MAP3K5: variants seen among roughly 807,000 people sequenced by gnomAD.
The protein encoded by MAP3K5 is mitogen-activated protein kinase kinase kinase 5.
MAP3K5 carries 56 observed loss-of-function variants against 158.7 expected under a neutral mutation model. The ratio of observed to expected loss-of-function variants is 0.35; its 90% confidence interval spans 0.28 to 0.44. The LOEUF (loss-of-function observed/expected upper bound fraction) is 0.44, where lower values mean the gene tolerates loss of function less well. Among genes scored for constraint, MAP3K5 ranks in the 20% least tolerant of loss-of-function variants. The pLI, the probability that MAP3K5 is intolerant of heterozygous loss-of-function variation, is 1.00. For synonymous variants in MAP3K5, 579 were observed against 601.7 expected (o/e 0.96, Z 0.55); for missense variants, 1,294 against 1,674.8 (o/e 0.77, Z 3.97).
chr6:136,661,563 A>G (rs1321849453), intron 8 of MAP3K5, among the ~76,000 whole-genome samples: 2 of 151,716 alleles, frequency 1.3e-5, no homozygotes, highest in African/African-American at 2.4e-5. Flanking sequence ...ACCTAGCTAA[A>G]TTTTGTTTTT....
chr6:136,595,881 G>T (rs946802526), intron 21 of MAP3K5, among the ~76,000 whole-genome samples: 1 of 152,086 alleles, frequency 6.6e-6, no homozygotes, highest in Non-Finnish European at 1.5e-5. Context: ...ATGGTGGTGT[G>T]TGCCTGTAGT....
At chr6:136,650,442 G>A (rs763623406) in intron 11 of MAP3K5, among the ~76,000 whole-genome samples, 3 of 152,230 alleles carry the variant, frequency 2.0e-5, no homozygotes, top group Non-Finnish European at 4.4e-5. Flanking sequence ...ATGAGCGGAA[G>A]TGAGACTGTT....
chr6:136,673,412 C>T (rs935946850), intron 7 of MAP3K5, among the ~76,000 whole-genome samples: 3 of 152,074 alleles, frequency 2.0e-5, no homozygotes, highest in African/African-American at 7.2e-5. Flanking sequence ...AGCAAACACA[C>T]ACAAAAGCTG....
In MAP3K5 at chr6:136,720,443, G is replaced by C. The variant is rs1213692394; in HGVS notation, c.588+7C>G. On this transcript the variant is annotated splice_region_variant and intron_variant, in intron 2 of 29. Transcript: ENST00000359015. ...AAAATGAAACATTCAGTAAACAAGG[G>C]AGGTACCTTCAGTGACTGCAGAGAG... The C allele has an allele frequency of 3.2e-6, 5 of 1,584,566 alleles. No homozygotes were observed. In the African/African-American group the frequency reaches 6.8e-5, roughly 22 times the overall value.
At chr6:136,622,775 C>T in intron 15 of MAP3K5, 73 bp downstream of exon 15, 5 of 1,450,210 alleles carry the variant, frequency 3.4e-6, no homozygotes, top group Non-Finnish European at 4.8e-6. Flanking sequence ...AGAATATCAT[C>T]AAGTATTTTC....
Position 136,706,876 on chromosome 6 carries a change from G to A in MAP3K5, c.589-1743C>T, listed in dbSNP as rs115096869. 7.1e-3 allele frequency among the ~76,000 whole-genome samples: 1,076 copies of A among 152,358 alleles called. 10 individuals carry two copies. The highest frequency in any genetic ancestry group is 0.024 in the African/African-American group (1,013 of 41,580). ...CAAAACACTAAAAATGCCTGGTGCC[G>A]TGGCTGACGCCTGTAAATCTCAGCG... On this transcript the variant is annotated intron_variant, in intron 2 of 29. Transcript: ENST00000359015.
intron 18 of MAP3K5, among the ~76,000 whole-genome samples, chr6:136,610,731 GACTA>G (rs534478545): frequency 5.2e-4 from 79 of 150,516 alleles, no homozygotes; most frequent in African/African-American, 1.6e-3. Flanking sequence ...TTAAGCAGGA[GACTA>G]ACTAAGCAAG....
intron 1 of MAP3K5, among the ~76,000 whole-genome samples, chr6:136,790,990 G>A (rs1280711360): frequency 6.6e-6 from 1 of 152,166 alleles, no homozygotes; most frequent in Non-Finnish European, 1.5e-5. Context: ...ATAGCATACA[G>A]GTGTTTTAGA....
At chr6:136,663,819 G>A (rs1308236068) in intron 8 of MAP3K5, among the ~76,000 whole-genome samples, 2 of 151,850 alleles carry the variant, frequency 1.3e-5, no homozygotes, top group African/African-American at 4.8e-5. Flanking sequence ...CATCATGTTG[G>A]GCAGGCTGAT....
chr6:136,749,349 G>T (rs1460272056), intron 1 of MAP3K5, among the ~76,000 whole-genome samples: 1 of 151,390 alleles, frequency 6.6e-6, no homozygotes, highest in Non-Finnish European at 1.5e-5. Flanking sequence ...CTCCAGCCTG[G>T]GCAACAGAGC....
At chr6:136,611,509 C>T in intron 17 of MAP3K5, 122 bp from the exon 18 acceptor site, 1 of 560,794 alleles carries the variant, frequency 1.8e-6, no homozygotes, top group Non-Finnish European at 3.3e-6. Flanking sequence ...GACATTAATT[C>T]TGTATTCTTC....
At chr6:136,735,844 A>G (rs1562657597) in intron 1 of MAP3K5, among the ~76,000 whole-genome samples, 1 of 152,168 alleles carries the variant, frequency 6.6e-6, no homozygotes, top group East Asian at 1.9e-4. Context: ...AAACAAACAA[A>G]AAAAGCATGA....
chr6:136,580,463 G>A lies in MAP3K5; in HGVS notation c.3412-57C>T, dbSNP rs562411084. The A allele has an allele frequency of 2.4e-4, 248 of 1,042,284 alleles. 3 individuals are homozygous for A. The highest frequency in any genetic ancestry group is 2.1e-3 in the South Asian group (152 of 74,130). 64.6% of individuals were successfully genotyped at this position (1,042,284 alleles called of 1,614,324 possible). On this transcript the variant is annotated intron_variant, in intron 24 of 29. Transcript: ENST00000359015. ...ATTTTTAATTGCAAATAGCCTAGAT[G>A]ATCGAAGCACTTGTATGAAGTTCCA... is the stretch of plus-strand genomic sequence containing the variant.
intron 14 of MAP3K5, among the ~76,000 whole-genome samples, chr6:136,628,232 C>G (rs933365304): frequency 6.6e-6 from 1 of 152,132 alleles, no homozygotes; most frequent in East Asian, 1.9e-4. Context: ...CCACTTCAGC[C>G]TCCTCAACAG....
chr6:136,583,660 G>A lies in MAP3K5; in HGVS notation c.3306C>T (p.Asp1102=). 6.2e-7 allele frequency: 1 copy of A among 1,614,170 alleles called. No homozygotes were observed. The highest frequency in any genetic ancestry group is 1.1e-5 in the South Asian group (1 of 91,076). The change falls in exon 24 of 30, where the codon GAC becomes GAT. Residue 1102 remains aspartate, a synonymous_variant. Coordinates refer to ENST00000359015, the MANE Select transcript of MAP3K5 (RefSeq NM_005923.4). ...ACAGTGTGGTGGCTATGATTTTTCG[G>A]TCAGTGGATCTCACAAATTCTCTGA... ...ASLREFVRST[D]RKIIATTLSK... is the part of the protein sequence containing the mutation.
At chr6:136,684,145 C>T (rs929808692) in intron 7 of MAP3K5, among the ~76,000 whole-genome samples, 4 of 152,066 alleles carry the variant, frequency 2.6e-5, no homozygotes, top group Non-Finnish European at 5.9e-5. Context: ...GTGGGAGGAT[C>T]ACTTGAGCCC....
chr6:136,657,471 T>A (rs1347311713), intron 9 of MAP3K5, among the ~76,000 whole-genome samples: 1 of 152,192 alleles, frequency 6.6e-6, no homozygotes. Context: ...TGTAAAGAAA[T>A]AGCAAATGTG....
chr6:136,667,758 G>A (rs891249219), intron 8 of MAP3K5, among the ~76,000 whole-genome samples: 2 of 151,810 alleles, frequency 1.3e-5, no homozygotes, highest in African/African-American at 4.8e-5. Flanking sequence ...GGCTGAGGTG[G>A]GAGGATCACC....
At chr6:136,618,327 G>C (rs548488985) in intron 15 of MAP3K5, among the ~76,000 whole-genome samples, 3 of 152,144 alleles carry the variant, frequency 2.0e-5, no homozygotes, top group African/African-American at 7.2e-5. Flanking sequence ...AGTTGTCTGC[G>C]ATCTCTTTAC....
Sources: allele counts gnomAD v4.1 joint callset (sites outside exome capture counted in the v4.1 genomes callset), GRCh38; gene constraint gnomAD v4.1.1; transcripts MANE v1.5; gene names NCBI Gene and HGNC (gene_info 2026-07-23, HGNC 2026-07-21).